SMOC2: variants seen among roughly 807,000 people sequenced by gnomAD.
The protein encoded by SMOC2 is SPARC related modular calcium binding 2.
A neutral mutation model predicts 61.4 loss-of-function variants in SMOC2; 39 were observed. The observed-to-expected ratio is 0.64, with a 90% CI of 0.49 to 0.83. SMOC2 has a LOEUF of 0.83. Among genes scored for constraint, SMOC2 ranks in the 40% least tolerant of loss-of-function variants. The pLI, the probability that SMOC2 is intolerant of heterozygous loss-of-function variation, is 0.00. For missense variants in SMOC2, 556 were observed against 592.9 expected, an observed-to-expected ratio of 0.94 and a Z score of 0.65; for synonymous variants, 247 against 239.9, an observed-to-expected ratio of 1.03 and a Z score of -0.27.
At chr6:168,485,816 T>C (rs1410238050) in intron 1 of SMOC2, among the ~76,000 whole-genome samples, 1 of 152,184 alleles carries the variant, frequency 6.6e-6, no homozygotes, top group East Asian at 1.9e-4. Flanking sequence ...AATGGATGAA[T>C]TGTGTGATAG....
chr6:168,454,949 C>T (rs1471554789), intron 1 of SMOC2, among the ~76,000 whole-genome samples: 1 of 151,654 alleles, frequency 6.6e-6, no homozygotes, highest in Non-Finnish European at 1.5e-5. Flanking sequence ...GGCCGAGGGT[C>T]GGCGCTGGCC....
At chr6:168,623,722 C>A (rs911816042) in intron 9 of SMOC2, among the ~76,000 whole-genome samples, 1 of 151,998 alleles carries the variant, frequency 6.6e-6, no homozygotes, top group East Asian at 1.9e-4. Context: ...AGATGCTGGG[C>A]GGAAGGATTG....
At chr6:168,479,764 G>T (rs892217235) in intron 1 of SMOC2, among the ~76,000 whole-genome samples, 8 of 152,198 alleles carry the variant, frequency 5.3e-5, no homozygotes, top group African/African-American at 9.7e-5. Context: ...GATAACAGGG[G>T]TGCAGACGAA....
chr6:168,590,747 ATTAT>A (rs1191192421), intron 7 of SMOC2, among the ~76,000 whole-genome samples: 1 of 152,208 alleles, frequency 6.6e-6, no homozygotes. Context: ...TAATGAAATA[ATTAT>A]TTAAGAGTTT....
At chr6:168,643,150 T>C (rs1456215027) in intron 9 of SMOC2, among the ~76,000 whole-genome samples, 2 of 152,180 alleles carry the variant, frequency 1.3e-5, no homozygotes, top group African/African-American at 4.8e-5. Context: ...AAACTTCGCC[T>C]CACAGCCCCT....
chr6:168,630,683 A>G (rs913751937), intron 9 of SMOC2, among the ~76,000 whole-genome samples: 1 of 152,240 alleles, frequency 6.6e-6, no homozygotes, highest in African/African-American at 2.4e-5. Context: ...CTCCTCTTTC[A>G]AAAGCAAATG....
At chr6:168,592,372 CATCTTTCTA>C (rs2115174915) in intron 7 of SMOC2, among the ~76,000 whole-genome samples, 2 of 124,970 alleles carry the variant, frequency 1.6e-5, no homozygotes, top group East Asian at 5.3e-4. Flanking sequence ...GCCTCACGGG[CATCTTTCTA>C]GAGGATCTCC....
rs915612457 is a variant in SMOC2, at chr6:168,535,120, G to A, written c.463+7393G>A. ...GGAGTAGCTGGGACTACAGGCACCC[G>A]CCACCACGCCCAGCTAATGTTTTGT... On this transcript the variant is annotated intron_variant, in intron 4 of 12. Transcript: ENST00000356284. The surrounding 1 kb of genome is among the most constrained non-coding windows in gnomAD (Gnocchi z 4.6). Among the ~76,000 whole-genome samples, 6 of 151,818 alleles carry A rather than the reference G, an allele frequency of 4.0e-5. No homozygotes were observed. Among genetic ancestry groups the A allele is most frequent in the Non-Finnish European group, 7.4e-5 (5 of 67,992 alleles).
At chr6:168,447,015 C>G (rs1781346349) in intron 1 of SMOC2, among the ~76,000 whole-genome samples, 1 of 152,178 alleles carries the variant, frequency 6.6e-6, no homozygotes, top group Non-Finnish European at 1.5e-5. Flanking sequence ...AGGCTACGTT[C>G]TCCTTCAGCA....
At chr6:168,525,402 G>A (rs987591695) in intron 2 of SMOC2, among the ~76,000 whole-genome samples, 1 of 152,200 alleles carries the variant, frequency 6.6e-6, no homozygotes, top group African/African-American at 2.4e-5. Context: ...TGGTCCTCAC[G>A]TGTCTTAACC....
intron 4 of SMOC2, among the ~76,000 whole-genome samples, chr6:168,534,685 G>A (rs1035203891): frequency 1.3e-5 from 2 of 152,176 alleles, no homozygotes; most frequent in Non-Finnish European, 2.9e-5. Flanking sequence ...GTACTTTCTG[G>A]TGTCTAATGC....
chr6:168,596,680 C>G (rs1425674407), intron 7 of SMOC2, among the ~76,000 whole-genome samples: 1 of 152,260 alleles, frequency 6.6e-6, no homozygotes, highest in African/African-American at 2.4e-5. Flanking sequence ...ACAACCCCTG[C>G]TGTTTTCTGT....
chr6:168,599,581 A>ACACACACCCACACACACATACCCCC (rs138811685), intron 8 of SMOC2, among the ~76,000 whole-genome samples: 2 of 31,654 alleles, frequency 6.3e-5, no homozygotes, highest in African/African-American at 1.8e-4. Flanking sequence ...CACTCATACC[A>ACACACACCCACACACACATACCCCC]CACACACCCA....
At chr6:168,575,688 C>T (rs763984990) in intron 7 of SMOC2, among the ~76,000 whole-genome samples, 77 of 152,214 alleles carry the variant, frequency 5.1e-4, no homozygotes, top group Non-Finnish European at 1.0e-3. Context: ...CTAAATAGCA[C>T]CCACACTGCT....
At chr6:168,464,943 G>A (rs2763225) in intron 1 of SMOC2, among the ~76,000 whole-genome samples, 80,801 of 152,086 alleles carry the variant, frequency 0.53, 21,869 homozygotes, top group Middle Eastern at 0.56. Context: ...CTCCAGGTGG[G>A]TGGAAGCACC....
chr6:168,543,511 C>A, intron 4 of SMOC2, 114 bp from the exon 5 acceptor site: 1 of 897,040 alleles, frequency 1.1e-6, no homozygotes, highest in Non-Finnish European at 1.8e-6. Flanking sequence ...GTAGAACATG[C>A]CGAAGCACGG....
chr6:168,650,619 T>A (rs1787166910), intron 9 of SMOC2, 62 bp from the exon 10 acceptor site: 1 of 1,493,462 alleles, frequency 6.7e-7, no homozygotes, highest in African/African-American at 1.4e-5. Flanking sequence ...TTTCCCTGTA[T>A]TTTAGAGGAA....
At chr6:168,579,486 A>G (rs1035185408) in intron 7 of SMOC2, among the ~76,000 whole-genome samples, 3 of 152,238 alleles carry the variant, frequency 2.0e-5, no homozygotes, top group African/African-American at 7.2e-5. Flanking sequence ...CAAATATAAC[A>G]TCAGGTGACT....
chr6:168,504,211 G>T (rs1320130762), intron 1 of SMOC2, among the ~76,000 whole-genome samples: 1 of 151,988 alleles, frequency 6.6e-6, no homozygotes, highest in Non-Finnish European at 1.5e-5. Flanking sequence ...CATGAGGAAC[G>T]TTTGACATTT....
Sources: gnomAD v4.1 joint callset for allele counts (sites outside exome capture counted in the v4.1 genomes callset) on GRCh38, gnomAD v4.1.1 for gene constraint, Gnocchi (gnomAD v3.1) non-coding constraint, MANE v1.5 for transcripts, NCBI Gene and HGNC (gene_info 2026-07-23, HGNC 2026-07-21) for gene names.